GNAQ: variants seen among roughly 807,000 people sequenced by gnomAD.
The protein encoded by GNAQ is guanine nucleotide-binding protein G(q) subunit alpha.
A neutral mutation model predicts 43.9 loss-of-function variants in GNAQ; 8 were observed. The observed-to-expected ratio is 0.18, with a 90% CI of 0.11 to 0.33. The LOEUF is 0.33. Among genes scored for constraint, GNAQ ranks in the 10% least tolerant of loss-of-function variants. The probability of loss-of-function intolerance (pLI) is 1.00; values close to 1 mark genes in which losing one functional copy is unlikely to be tolerated. For synonymous variants in GNAQ, 155 were observed against 170.7 expected, an observed-to-expected ratio of 0.91 and a Z score of 0.71; for missense variants, 158 against 450.8, an observed-to-expected ratio of 0.35 and a Z score of 5.88.
intron 3 of GNAQ, among the ~76,000 whole-genome samples, chr9:77,801,775 A>G (rs940159439): frequency 6.6e-6 from 1 of 152,224 alleles, no homozygotes; most frequent in African/African-American, 2.4e-5. Context: ...CCAACTAAAC[A>G]AAAGACATAC....
intron 1 of GNAQ, among the ~76,000 whole-genome samples, chr9:77,976,741 G>C (rs1458822108): frequency 6.6e-6 from 1 of 152,132 alleles, no homozygotes; most frequent in Non-Finnish European, 1.5e-5. Flanking sequence ...CGATTAGTTG[G>C]CAACATTTAA....
intron 2 of GNAQ, among the ~76,000 whole-genome samples, chr9:77,852,465 A>G (rs1827686330): frequency 6.6e-6 from 1 of 152,228 alleles, no homozygotes; most frequent in Non-Finnish European, 1.5e-5. Context: ...TCTGCCTGCC[A>G]AGGCCCTGAA....
intron 1 of GNAQ, among the ~76,000 whole-genome samples, chr9:77,989,927 G>A (rs538572243): frequency 6.6e-6 from 1 of 152,196 alleles, no homozygotes; most frequent in African/African-American, 2.4e-5. Context: ...TTCATCATAA[G>A]TGTAATATAT....
At chr9:78,012,965 A>G (rs1003567820) in intron 1 of GNAQ, among the ~76,000 whole-genome samples, 1 of 152,238 alleles carries the variant, frequency 6.6e-6, no homozygotes, top group African/African-American at 2.4e-5. Flanking sequence ...GCAAGATCAA[A>G]TATTAACTTG....
chr9:77,777,730 C>T (rs1826325680), intron 5 of GNAQ, among the ~76,000 whole-genome samples: 1 of 151,928 alleles, frequency 6.6e-6, no homozygotes, highest in African/African-American at 2.4e-5. Flanking sequence ...ACCTGAAAAC[C>T]CCATTAGCCT....
At chr9:77,841,889 T>C (rs1827497060) in intron 2 of GNAQ, among the ~76,000 whole-genome samples, 1 of 152,216 alleles carries the variant, frequency 6.6e-6, no homozygotes, top group Admixed American at 6.5e-5. Flanking sequence ...GCTTCTATTC[T>C]GTGTCTTCAA....
At chr9:77,850,400 A>G (rs959301499) in intron 2 of GNAQ, among the ~76,000 whole-genome samples, 8 of 151,684 alleles carry the variant, frequency 5.3e-5, no homozygotes, top group African/African-American at 1.7e-4. Flanking sequence ...CTCCACCTCT[A>G]CTGCCCTGGG....
chr9:77,998,424 G>A (rs1416064203), intron 1 of GNAQ, among the ~76,000 whole-genome samples: 3 of 152,118 alleles, frequency 2.0e-5, no homozygotes, highest in Admixed American at 6.5e-5. Context: ...AGCACTCCTC[G>A]ATTCTTCCTA....
At chr9:77,879,307 A>G (rs959113831) in intron 2 of GNAQ, among the ~76,000 whole-genome samples, 4 of 151,842 alleles carry the variant, frequency 2.6e-5, no homozygotes, top group African/African-American at 7.3e-5. Context: ...TCTGTGGCCC[A>G]GGCTGGAGTG....
At chr9:78,012,638 T>C (rs1823788141) in intron 1 of GNAQ, among the ~76,000 whole-genome samples, 1 of 152,174 alleles carries the variant, frequency 6.6e-6, no homozygotes, top group Non-Finnish European at 1.5e-5. Context: ...ATAATTAAAT[T>C]GAGAGAAGAA....
At chr9:77,991,456 G>A (rs1437840252) in intron 1 of GNAQ, among the ~76,000 whole-genome samples, 2 of 152,118 alleles carry the variant, frequency 1.3e-5, no homozygotes, top group African/African-American at 4.8e-5. Flanking sequence ...ACCCACACCA[G>A]GAAACAGGAA....
rs779076022 is a variant in GNAQ at position 77,797,652 on chromosome 9, G to C, written c.477-4C>G. On this transcript the variant is annotated splice_polypyrimidine_tract_variant and splice_region_variant and intron_variant, in intron 3 of 6. Coordinates refer to ENST00000286548, the MANE Select transcript of GNAQ (RefSeq NM_002072.5). ...GCGGTCCAAGTCATTAAGATAGCTA[G>C]AGGAGGGAAGACACAATGAGAATGT... The C allele has an allele frequency of 2.5e-6, 4 of 1,612,900 alleles. No individual in the cohort carries two copies. The highest frequency in any genetic ancestry group is 3.4e-6 in the Non-Finnish European group (4 of 1,179,316).
At chr9:77,973,017 A>G (rs915664608) in intron 1 of GNAQ, among the ~76,000 whole-genome samples, 6 of 93,920 alleles carry the variant, frequency 6.4e-5, no homozygotes, top group South Asian at 1.0e-3. Context: ...AAGAAAGGAA[A>G]AAAAAAAAAA....
intron 1 of GNAQ, among the ~76,000 whole-genome samples, chr9:78,003,617 C>T (rs1587456069): frequency 6.6e-6 from 1 of 152,008 alleles, no homozygotes; most frequent in South Asian, 2.1e-4. Flanking sequence ...GAGTTCAAGA[C>T]CAGCCTGGGC....
intron 5 of GNAQ, among the ~76,000 whole-genome samples, chr9:77,765,897 A>G (rs1201873799): frequency 6.6e-6 from 1 of 152,252 alleles, no homozygotes; most frequent in Non-Finnish European, 1.5e-5. Context: ...ATATTATTCA[A>G]CCCTGAAAAG....
intron 1 of GNAQ, among the ~76,000 whole-genome samples, chr9:78,018,050 A>G (rs1214117556): frequency 6.6e-6 from 1 of 152,156 alleles, no homozygotes; most frequent in African/African-American, 2.4e-5. Context: ...TCAGACCTAG[A>G]AATAACATTT....
intron 1 of GNAQ, among the ~76,000 whole-genome samples, chr9:78,011,162 T>C (rs982601792): frequency 4.6e-5 from 7 of 152,142 alleles, no homozygotes; most frequent in Non-Finnish European, 1.0e-4. Flanking sequence ...ACAGAATCAG[T>C]TGTGAGATGA....
intron 1 of GNAQ, among the ~76,000 whole-genome samples, chr9:77,931,372 C>T (rs1027740281): frequency 2.2e-4 from 33 of 152,110 alleles, no homozygotes; most frequent in African/African-American, 7.9e-4. Context: ...GCGGGCAGAT[C>T]ACGAGGTCAG....
At chr9:78,026,462 GAAA>G (rs1371963538) in intron 1 of GNAQ, among the ~76,000 whole-genome samples, 2 of 152,284 alleles carry the variant, frequency 1.3e-5, no homozygotes, top group South Asian at 2.1e-4. Flanking sequence ...CTGACATTCA[GAAA>G]CATATTCAAC....
Sources: allele counts gnomAD v4.1 joint callset (sites outside exome capture counted in the v4.1 genomes callset), GRCh38; gene constraint gnomAD v4.1.1; transcripts MANE v1.5; gene names NCBI Gene and HGNC (gene_info 2026-07-23, HGNC 2026-07-21).